Variants in AGK observed in about 807,000 individuals in gnomAD.
AGK encodes acylglycerol kinase, mitochondrial.
A neutral mutation model predicts 66.4 loss-of-function variants in AGK; 52 were observed. That is an observed-to-expected ratio of 0.78 (90% confidence interval 0.63 to 0.99). AGK has a LOEUF of 0.99. Ranked by LOEUF, AGK falls within the 50% of genes least tolerant of loss-of-function variation. The pLI is 0.00. For missense variants in AGK, 451 were observed against 506.6 expected (o/e 0.89, Z 1.05); for synonymous variants, 182 against 181.1 (o/e 1.00, Z -0.04).
At chr7:141,623,446 A>T (rs1369694175) in intron 9 of AGK, among the ~76,000 whole-genome samples, 1 of 151,952 alleles carries the variant, frequency 6.6e-6, no homozygotes, top group Non-Finnish European at 1.5e-5. Flanking sequence ...TGTTGCTGAT[A>T]GGGAGAAAGT....
intron 13 of AGK, among the ~76,000 whole-genome samples, chr7:141,647,928 C>T (rs1338496725): frequency 6.6e-6 from 1 of 152,226 alleles, no homozygotes; most frequent in African/African-American, 2.4e-5. Flanking sequence ...GCCTCGGCCT[C>T]CCAAAGTGCT....
chr7:141,639,480 C>T (rs1025736035), intron 11 of AGK, among the ~76,000 whole-genome samples: 3 of 152,114 alleles, frequency 2.0e-5, no homozygotes, highest in South Asian at 2.1e-4. Flanking sequence ...GGTAGAAGGG[C>T]GTGGGATCCA....
chr7:141,597,510 G>A (rs1185418694), intron 4 of AGK, among the ~76,000 whole-genome samples: 4 of 152,144 alleles, frequency 2.6e-5, no homozygotes, highest in African/African-American at 9.7e-5. Context: ...AAAGGGTTGA[G>A]TGTTAAAAAG....
rs1020928716 is a variant in AGK, at chr7:141,604,386, A to G, written c.297+3106A>G. ...TGTGTGTGTGTGTGTATATATATAT[A>G]TATATATATATATATATACACATAC... On this transcript the variant is annotated intron_variant, in intron 5 of 15. Transcript: ENST00000649286. 3.7e-3 allele frequency among the ~76,000 whole-genome samples: 537 copies of G among 143,892 alleles called. 9 individuals carry two copies. Among genetic ancestry groups the G allele is most frequent in the African/African-American group, 0.013 (508 of 39,560 alleles). 94.4% of individuals were successfully genotyped at this position (143,892 alleles called of 152,430 possible).
intron 2 of AGK, among the ~76,000 whole-genome samples, chr7:141,582,006 C>T (rs927680127): frequency 5.3e-5 from 8 of 151,992 alleles, no homozygotes; most frequent in Admixed American, 2.0e-4. Flanking sequence ...AAGGGACGGA[C>T]TTACCGTCCA....
chr7:141,572,663 G>T (rs1312635185), intron 2 of AGK, among the ~76,000 whole-genome samples: 1 of 152,130 alleles, frequency 6.6e-6, no homozygotes, highest in Non-Finnish European at 1.5e-5. Flanking sequence ...AGGAGAGGAA[G>T]GTAGTAGAAA....
At chr7:141,634,575 A>G (rs1797130392) in intron 10 of AGK, among the ~76,000 whole-genome samples, 1 of 152,186 alleles carries the variant, frequency 6.6e-6, no homozygotes, top group Non-Finnish European at 1.5e-5. Context: ...ATTGTATGCA[A>G]TGAAACTCTT....
At chr7:141,638,003 G>A (rs1797210215) in intron 11 of AGK, among the ~76,000 whole-genome samples, 1 of 152,188 alleles carries the variant, frequency 6.6e-6, no homozygotes, top group South Asian at 2.1e-4. Flanking sequence ...TGGTGGAGTT[G>A]TGAGTGCATT....
chr7:141,650,977 C>T (rs1210215016), intron 14 of AGK, among the ~76,000 whole-genome samples: 2 of 152,296 alleles, frequency 1.3e-5, no homozygotes, highest in East Asian at 1.9e-4. Flanking sequence ...ATAGTCTGTA[C>T]GGATTCAGTA....
intron 15 of AGK, 133 bp downstream of exon 15, chr7:141,651,742 C>A: frequency 1.2e-6 from 1 of 833,152 alleles, no homozygotes; most frequent in South Asian, 1.5e-5. Flanking sequence ...AGCATTTTGC[C>A]AGGCTCTGGG....
At position 141,637,279 on chromosome 7, in the gene AGK, A is replaced by G. The variant is rs117264739; in HGVS notation, c.726+262A>G. On this transcript the variant is annotated intron_variant, in intron 11 of 15. Transcript: ENST00000649286. ...AAGCATTCTACTTGCCTTTGCTATT[A>G]ATTCACTCTCTTGCCCGACAGACCT... is the stretch of plus-strand genomic sequence containing the variant. Among the ~76,000 whole-genome samples the G allele has an allele frequency of 8.7e-3, 1,329 of 152,230 alleles. 12 individuals are homozygous for G. Among genetic ancestry groups the G allele is most frequent in the Middle Eastern group, 0.024 (7 of 292 alleles).
chr7:141,593,253 T>C, intron 3 of AGK, 68 bp downstream of exon 3: 1 of 1,384,602 alleles, frequency 7.2e-7, no homozygotes, highest in Non-Finnish European at 1.0e-6. Flanking sequence ...CTTAAGCTCT[T>C]TCAGGGGACT....
intron 2 of AGK, among the ~76,000 whole-genome samples, chr7:141,576,389 T>C (rs1401900765): frequency 6.6e-6 from 1 of 151,864 alleles, no homozygotes; most frequent in East Asian, 1.9e-4. Flanking sequence ...CAGTCTAAGC[T>C]AATTCCGATC....
intron 1 of AGK, among the ~76,000 whole-genome samples, chr7:141,553,830 A>G (rs1201916905): frequency 2.0e-5 from 3 of 152,116 alleles, no homozygotes; most frequent in Non-Finnish European, 4.4e-5. Context: ...AACCAATGGG[A>G]TTTAAAGGGA....
chr7:141,606,018 GT>G (rs1796453869), intron 5 of AGK, among the ~76,000 whole-genome samples: 1 of 152,080 alleles, frequency 6.6e-6, no homozygotes, highest in African/African-American at 2.4e-5. Context: ...AATGTAAGTC[GT>G]ACCCAGGTCA....
chr7:141,647,854 A>G (rs1302265389), intron 13 of AGK, among the ~76,000 whole-genome samples: 2 of 152,168 alleles, frequency 1.3e-5, no homozygotes, highest in Non-Finnish European at 2.9e-5. Flanking sequence ...TACTTTTAGT[A>G]GAGACGGGGT....
chr7:141,636,031 G>A (rs1328642697), intron 10 of AGK, among the ~76,000 whole-genome samples: 2 of 152,210 alleles, frequency 1.3e-5, no homozygotes, highest in Non-Finnish European at 2.9e-5. Context: ...AGTTTTAAGA[G>A]AAGAATCTAT....
At chr7:141,597,890 C>CAAAAAAAAAAAAAAA in intron 4 of AGK, among the ~76,000 whole-genome samples, 1 of 71,434 alleles carries the variant, frequency 1.4e-5, no homozygotes, top group Non-Finnish European at 2.5e-5. Flanking sequence ...GACTCTGTCT[C>CAAAAAAAAAAAAAAA]AAAAAAAAAA....
intron 2 of AGK, among the ~76,000 whole-genome samples, chr7:141,563,711 G>A (rs940603322): frequency 1.3e-5 from 2 of 152,126 alleles, no homozygotes; most frequent in Non-Finnish European, 2.9e-5. Flanking sequence ...ATCCCATTCT[G>A]TCATTACGGC....
Sources: allele counts gnomAD v4.1 joint callset (sites outside exome capture counted in the v4.1 genomes callset), GRCh38; gene constraint gnomAD v4.1.1; transcripts MANE v1.5; gene names NCBI Gene and HGNC (gene_info 2026-07-23, HGNC 2026-07-21).